ROBO1: variants seen among roughly 807,000 people sequenced by gnomAD.
ROBO1 encodes the protein roundabout guidance receptor 1.
ROBO1 carries 149 observed loss-of-function variants against 195.9 expected under a neutral mutation model. The ratio of observed to expected loss-of-function variants is 0.76; its 90% CI spans 0.67 to 0.87. The LOEUF (loss-of-function observed/expected upper bound fraction) is 0.87. ROBO1 is among the 40% of genes least tolerant of loss of function. ROBO1 has a pLI of 0.00. For missense variants in ROBO1, 1,933 were observed against 2,068.3 expected, an observed-to-expected ratio of 0.93 and a Z score of 1.27; for synonymous variants, 816 against 733.2, an observed-to-expected ratio of 1.11 and a Z score of -1.82.
At chr3:78,785,916 G>A (rs1434611678) in intron 4 of ROBO1, among the ~76,000 whole-genome samples, 2 of 152,128 alleles carry the variant, frequency 1.3e-5, no homozygotes, top group African/African-American at 2.4e-5. Context: ...AAAGAGGGCT[G>A]TTGTATTTTA....
intron 1 of ROBO1, among the ~76,000 whole-genome samples, chr3:79,693,972 C>CA (rs1947369983): frequency 6.6e-6 from 1 of 151,388 alleles, no homozygotes; most frequent in South Asian, 2.1e-4. Flanking sequence ...AAGTTTTGGA[C>CA]ATGGCCAAAT....
intron 4 of ROBO1, among the ~76,000 whole-genome samples, chr3:78,903,229 A>G (rs2037692992): frequency 1.3e-5 from 2 of 152,176 alleles, no homozygotes; most frequent in South Asian, 4.1e-4. Flanking sequence ...CCTTTTTTGC[A>G]ACTTCAAATG....
chr3:79,156,937 G>T (rs2080869024), intron 2 of ROBO1, among the ~76,000 whole-genome samples: 1 of 151,792 alleles, frequency 6.6e-6, no homozygotes, highest in Non-Finnish European at 1.5e-5. Context: ...GTATCATCTA[G>T]TTATGGATTC....
intron 2 of ROBO1, among the ~76,000 whole-genome samples, chr3:79,146,841 G>A (rs572943171): frequency 6.6e-6 from 1 of 152,016 alleles, no homozygotes; most frequent in African/African-American, 2.4e-5. Context: ...AAAAAGCAAA[G>A]AAGTGGCCAG....
chr3:78,614,527 G>T, intron 28 of ROBO1, 121 bp downstream of exon 28: 2 of 1,105,506 alleles, frequency 1.8e-6, no homozygotes, highest in Non-Finnish European at 2.5e-6. Flanking sequence ...GTAATATGAA[G>T]CTGATTGTTA....
intron 3 of ROBO1, among the ~76,000 whole-genome samples, chr3:79,005,716 A>G (rs751702023): frequency 2.0e-5 from 3 of 152,172 alleles, no homozygotes; most frequent in Non-Finnish European, 4.4e-5. Context: ...GCACAAATCA[A>G]TATTTTATAA....
At position 79,248,989 on chromosome 3, in the gene ROBO1, T is replaced by G. The variant is rs141181584; in HGVS notation, c.89-123450A>C. Reference sequence around the variant, plus strand: ...GATTTTAGACTCTAATAAGACACTGTAGTAGAGAGACTAATGAAGTTTACA... The same window carrying G: ...GATTTTAGACTCTAATAAGACACTGGAGTAGAGAGACTAATGAAGTTTACA... On this transcript the variant is annotated intron_variant, in intron 2 of 30. Coordinates refer to ENST00000464233, the MANE Select transcript of ROBO1 (RefSeq NM_002941.4). Among the ~76,000 whole-genome samples, 57 of 152,364 alleles carry G rather than the reference T, an allele frequency of 3.7e-4. 1 individual carries two copies. The East Asian group carries it at 0.011, about 29-fold the overall frequency.
At chr3:78,625,084 G>C (rs530227802) in intron 26 of ROBO1, among the ~76,000 whole-genome samples, 7 of 152,278 alleles carry the variant, frequency 4.6e-5, no homozygotes, top group African/African-American at 1.7e-4. Flanking sequence ...GACTTCTTGT[G>C]TGCAAATAAA....
At chr3:79,108,153 TA>T (rs1461726054) in intron 3 of ROBO1, among the ~76,000 whole-genome samples, 4 of 151,852 alleles carry the variant, frequency 2.6e-5, no homozygotes, top group Non-Finnish European at 4.4e-5. Context: ...TTTGGAAAGT[TA>T]CTGATTTTGA....
intron 1 of ROBO1, among the ~76,000 whole-genome samples, chr3:79,640,561 AT>A (rs1945629467): frequency 6.6e-6 from 1 of 152,142 alleles, no homozygotes. Flanking sequence ...GTGATCAGCC[AT>A]TTCCATTACC....
intron 2 of ROBO1, among the ~76,000 whole-genome samples, chr3:79,415,099 C>T (rs2037943892): frequency 2.0e-5 from 3 of 152,118 alleles, no homozygotes; most frequent in African/African-American, 7.2e-5. Context: ...CATATAAATA[C>T]ATCCTGACTC....
intron 2 of ROBO1, among the ~76,000 whole-genome samples, chr3:79,573,582 C>T (rs935710520): frequency 2.6e-5 from 4 of 152,052 alleles, no homozygotes; most frequent in African/African-American, 9.7e-5. Context: ...AACAAATATT[C>T]ATATGGGACA....
chr3:79,680,249 C>T (rs1471276614), intron 1 of ROBO1, among the ~76,000 whole-genome samples: 1 of 151,964 alleles, frequency 6.6e-6, no homozygotes, highest in Non-Finnish European at 1.5e-5. Flanking sequence ...TTTATAAATT[C>T]ACCCAACTCT....
At chr3:79,330,542 T>C (rs561320442) in intron 2 of ROBO1, among the ~76,000 whole-genome samples, 2 of 151,522 alleles carry the variant, frequency 1.3e-5, no homozygotes, top group South Asian at 2.1e-4. Context: ...CAAATTTTTA[T>C]TGGAACACAG....
rs1311102264 is a variant in ROBO1, at chr3:78,633,995, A to C, written c.3421T>G (p.Ser1141Ala). 6.2e-7 allele frequency: 1 copy of C among 1,612,580 alleles called. No individual in the cohort carries two copies. The highest frequency in any genetic ancestry group is 8.5e-7 in the Non-Finnish European group (1 of 1,179,162). The change falls in exon 24 of 31, where the codon TCA (serine) becomes GCA (alanine). Residue 1141 changes from serine to alanine, a missense_variant. Physicochemically the swap from Ser to Ala is moderately conservative, Grantham distance 99. Around this residue, in one of 3 missense-constraint regions of ROBO1, gnomAD observed 1,737 missense variants for 1,882.5 expected, o/e 0.92. Coordinates refer to ENST00000464233, the MANE Select transcript of ROBO1 (RefSeq NM_002941.4). ...GATCCTCCTGTGTTCTGGTCGTATG[A>C]TTGGTTGTATGGGATAGTTGGAGGA... ...TVPPTIPYNQ[S>A]YDQNTGGSYN...
chr3:79,201,965 C>T (rs967624031), intron 2 of ROBO1, among the ~76,000 whole-genome samples: 11 of 150,924 alleles, frequency 7.3e-5, no homozygotes, highest in Non-Finnish European at 1.2e-4. Flanking sequence ...AAATGTTCTC[C>T]TTGCTAGTAG....
At chr3:79,391,214 G>T (rs1435555561) in intron 2 of ROBO1, among the ~76,000 whole-genome samples, 1 of 151,616 alleles carries the variant, frequency 6.6e-6, no homozygotes, top group Non-Finnish European at 1.5e-5. Context: ...GATCCCATGA[G>T]CCCAAGAGTT....
At chr3:79,245,533 T>G (rs941461068) in intron 2 of ROBO1, among the ~76,000 whole-genome samples, 6 of 151,984 alleles carry the variant, frequency 3.9e-5, no homozygotes, top group African/African-American at 1.4e-4. Context: ...CAGATATGTG[T>G]TGGGGATGGT....
chr3:78,694,799 T>C (rs944207983), intron 8 of ROBO1, among the ~76,000 whole-genome samples: 26 of 152,138 alleles, frequency 1.7e-4, no homozygotes, highest in Non-Finnish European at 3.4e-4. Context: ...TGCTTTGAGA[T>C]AACAATAAGT....
Sources: gnomAD v4.1 joint callset for allele counts (sites outside exome capture counted in the v4.1 genomes callset) on GRCh38, gnomAD v4.1.1 for gene constraint, gnomAD v4.1.1 regional missense constraint, MANE v1.5 for transcripts, NCBI Gene and HGNC (gene_info 2026-07-23, HGNC 2026-07-21) for gene names.